Variants in LPIN1 observed in about 807,000 individuals in gnomAD.
LPIN1 encodes phosphatidate phosphatase LPIN1.
A neutral mutation model predicts 107.5 loss-of-function variants in LPIN1; 71 were observed. The ratio of observed to expected loss-of-function variants is 0.66; its 90% confidence interval spans 0.55 to 0.80. The LOEUF (loss-of-function observed/expected upper bound fraction) is 0.80. Among genes scored for constraint, LPIN1 ranks in the 30% least tolerant of loss-of-function variants. LPIN1 has a pLI of 0.00. For missense variants in LPIN1, 1,043 were observed against 1,160.6 expected (o/e 0.90, Z 1.47); for synonymous variants, 445 against 452.6 (o/e 0.98, Z 0.21).
chr2:11,703,258 T>A (rs954766044), intron 1 of LPIN1, among the ~76,000 whole-genome samples: 1 of 152,110 alleles, frequency 6.6e-6, no homozygotes, highest in Non-Finnish European at 1.5e-5. Context: ...CCATGAGAAA[T>A]CCTCTGGGAG....
rs1672294418 is a variant in LPIN1, at chr2:11,774,085, A to G, written c.722+340A>G. ...ACTTAGCCCTAAGTAAAATTCAAAA[A>G]CAGACGTTGCTTCAGGAGCTGCTGA... is the stretch of plus-strand genomic sequence containing the variant. On this transcript the variant is annotated intron_variant, in intron 5 of 20. Coordinates refer to ENST00000674199, the MANE Select transcript of LPIN1 (RefSeq NM_001349206.2). The surrounding 1 kb of genome is among the most constrained non-coding windows in gnomAD (Gnocchi z 4.4). Among the ~76,000 whole-genome samples, 1 of 152,242 alleles carries G rather than the reference A, an allele frequency of 6.6e-6. No homozygotes were observed. Among genetic ancestry groups the G allele is most frequent in the Admixed American group, 6.5e-5 (1 of 15,282 alleles).
At chr2:11,791,644 T>G (rs562615060) in intron 12 of LPIN1, 111 of 1,285,958 alleles carry the variant, frequency 8.6e-5, no homozygotes, top group East Asian at 6.7e-4. Flanking sequence ...GCTTTCTTTT[T>G]TTGTTGTTGT....
At position 11,765,747 on chromosome 2, in the gene LPIN1, G is replaced by T; in HGVS notation, c.192+14G>T. On this transcript the variant is annotated intron_variant, in intron 2 of 20. Transcript: ENST00000674199. The surrounding 1 kb of genome is among the most constrained non-coding windows in gnomAD (Gnocchi z 4.4). ...CGAGAGAAAGTGGTGAGCTCTCAGG[G>T]CACGGGGACCTGGCACCGGCTCTCC... 2 of 1,606,366 alleles carry T rather than the reference G, an allele frequency of 1.2e-6. No individual in the cohort carries two copies. The highest frequency in any genetic ancestry group is 1.1e-5 in the South Asian group (1 of 90,602).
chr2:11,785,540 C>T (rs943011262), intron 10 of LPIN1, among the ~76,000 whole-genome samples: 1 of 152,204 alleles, frequency 6.6e-6, no homozygotes, highest in Admixed American at 6.5e-5. Context: ...CGTAGCAATG[C>T]ACTCCCAGGG....
At chr2:11,752,816 G>A (rs985398580) in intron 1 of LPIN1, among the ~76,000 whole-genome samples, 1 of 152,108 alleles carries the variant, frequency 6.6e-6, no homozygotes, top group African/African-American at 2.4e-5. Flanking sequence ...TGTGGCAGGG[G>A]TTTTGAATTT....
At chr2:11,693,121 A>G (rs1316020943) in intron 1 of LPIN1, among the ~76,000 whole-genome samples, 1 of 152,102 alleles carries the variant, frequency 6.6e-6, no homozygotes, top group Non-Finnish European at 1.5e-5. Context: ...AGAAATAGAA[A>G]AGGCGGGGCA....
chr2:11,723,656 GA>G (rs1391748339), upstream of LPIN1: 2 of 150,354 alleles, frequency 1.3e-5, no homozygotes, highest in African/African-American at 2.4e-5. Context: ...GACTCCCTCT[GA>G]AAAAAAAAGA....
At chr2:11,815,726 C>T (rs747915601) in intron 18 of LPIN1, among the ~76,000 whole-genome samples, 2 of 152,072 alleles carry the variant, frequency 1.3e-5, no homozygotes, top group African/African-American at 4.8e-5. Flanking sequence ...GCCTTTGACA[C>T]CCATCATACT....
rs11683423 is a variant in LPIN1, at chr2:11,697,814, T to C, written c.82-15942T>C. Among the ~76,000 whole-genome samples, 1,247 of 152,098 alleles carry C rather than the reference T, an allele frequency of 8.2e-3. 8 individuals are homozygous for C. The highest frequency in any genetic ancestry group is 0.029 in the South Asian group (139 of 4,816). On this transcript the variant is annotated intron_variant, in intron 1 of 21. Coordinates refer to the LPIN1 transcript ENST00000449576. This position sits in a 1 kb window ranked among gnomAD's most constrained non-coding sequence, Gnocchi z 4.6. The stretch of plus-strand genomic sequence containing the variant: ...CCCATTTACAACCCCCTCCTCCCCA[T>C]CTCACCAGGCCAGGGAACAAGCCCT...
chr2:11,779,412 A>G, intron 6 of LPIN1, 107 bp from the exon 7 acceptor site: 1 of 1,213,540 alleles, frequency 8.2e-7, no homozygotes, highest in South Asian at 1.2e-5. Context: ...AGAGCGAACG[A>G]CAGCTGGGGG....
upstream of LPIN1, among the ~76,000 whole-genome samples, chr2:11,744,208 G>C (rs528292337): frequency 1.3e-5 from 2 of 152,198 alleles, no homozygotes; most frequent in African/African-American, 2.4e-5. Flanking sequence ...CTCCTCTTCC[G>C]AGTGCAGCTA....
rs186054666 is a variant in LPIN1, at chr2:11,704,944, G to T, written c.82-8812G>T. Among the ~76,000 whole-genome samples the T allele has an allele frequency of 3.1e-3, 473 of 152,336 alleles. 3 individuals are homozygous for T. The highest frequency in any genetic ancestry group is 0.011 in the African/African-American group (452 of 41,570). On this transcript the variant is annotated intron_variant, in intron 1 of 21. Coordinates refer to the LPIN1 transcript ENST00000449576. ...CTGGAGGAGCTCACCTCTCAAAGTG[G>T]CCAGGAGGACATAACCAGGAACAGA...
rs774359055 is a variant in LPIN1 at position 11,824,788 on chromosome 2, G to A, written c.2778G>A (p.Ala926=). 2.2e-5 allele frequency: 35 copies of A among 1,614,008 alleles called. No homozygotes were observed. The highest frequency in any genetic ancestry group is 2.8e-5 in the Non-Finnish European group (33 of 1,180,044). Residue 926 remains alanine, a synonymous_variant, in exon 21 of 21, where the codon GCG becomes GCA. Coordinates refer to ENST00000674199, the MANE Select transcript of LPIN1 (RefSeq NM_001349206.2). ...ACCAGGACATTCATTCTGCCTCAGC[G>A]TAAAATGTCCCAAGCAGCCTCTTGC... The part of the protein sequence containing the change: ...FENQDIHSAS[A]
At chr2:11,822,615 G>A (rs755832219) in intron 20 of LPIN1, among the ~76,000 whole-genome samples, 12 of 152,116 alleles carry the variant, frequency 7.9e-5, no homozygotes, top group Non-Finnish European at 1.8e-4. Context: ...TTATCACAGG[G>A]ACAGCATGGG....
chr2:11,762,332 T>A (rs1669971189), intron 1 of LPIN1, among the ~76,000 whole-genome samples: 1 of 151,166 alleles, frequency 6.6e-6, no homozygotes, highest in Non-Finnish European at 1.5e-5. Context: ...CCCCTTTCTT[T>A]CGGGTTCTAT....
In LPIN1 at chr2:11,825,900, C is replaced by T. The variant is rs1171117538; in HGVS notation, c.*1109C>T. 6.6e-6 allele frequency: 1 copy of T among 152,132 alleles called. No homozygotes were observed. The allele number at this position is 152,132 out of a possible 1,614,324, so 9.4% of individuals were successfully genotyped here. Reference sequence around the variant, plus strand: ...TGTATGTGTTAGACTATCGAAAGGGCCTTATTCTCTCTTTCTCATAGACTG... The same window carrying T: ...TGTATGTGTTAGACTATCGAAAGGGTCTTATTCTCTCTTTCTCATAGACTG... On this transcript the variant is annotated 3_prime_UTR_variant, in exon 21 of 21. Coordinates refer to ENST00000674199, the MANE Select transcript of LPIN1 (RefSeq NM_001349206.2). The surrounding 1 kb of genome is among the most constrained non-coding windows in gnomAD (Gnocchi z 4.1).
chr2:11,681,817 C>T (rs919472016), intron 1 of LPIN1, among the ~76,000 whole-genome samples: 10 of 152,202 alleles, frequency 6.6e-5, no homozygotes, highest in Admixed American at 2.0e-4. Flanking sequence ...TTGTTTGCCA[C>T]CTGGGTTCAT....
intron 1 of LPIN1, among the ~76,000 whole-genome samples, chr2:11,753,975 A>G (rs1668279354): frequency 6.6e-6 from 1 of 152,132 alleles, no homozygotes; most frequent in African/African-American, 2.4e-5. Context: ...CGGACCACAG[A>G]TAGAGTCCCC....
intron 3 of LPIN1, among the ~76,000 whole-genome samples, chr2:11,769,889 T>C (rs968510206): frequency 6.6e-6 from 1 of 152,202 alleles, no homozygotes; most frequent in East Asian, 1.9e-4. Context: ...TTAAAGCAAG[T>C]GTCCATAATT....
Sources: gnomAD v4.1 joint callset for allele counts (sites outside exome capture counted in the v4.1 genomes callset) on GRCh38, gnomAD v4.1.1 for gene constraint, Gnocchi (gnomAD v3.1) non-coding constraint, MANE v1.5 for transcripts, NCBI Gene and HGNC (gene_info 2026-07-23, HGNC 2026-07-21) for gene names.